Variants in FAF1 observed in about 807,000 individuals in gnomAD.
FAF1 encodes FAS-associated factor 1.
Under a neutral mutation model 92.5 loss-of-function variants are expected in FAF1, and 25 were observed. The observed-to-expected ratio is 0.27, with a 90% confidence interval of 0.20 to 0.38. The LOEUF (loss-of-function observed/expected upper bound fraction) is 0.38. Ranked by LOEUF, FAF1 falls within the 10% of genes least tolerant of loss-of-function variation. The probability of loss-of-function intolerance (pLI) is 1.00; values close to 1 mark genes in which losing one functional copy is unlikely to be tolerated. For synonymous variants in FAF1, 234 were observed against 273.2 expected (o/e 0.86, Z 1.42); for missense variants, 636 against 793.3 (o/e 0.80, Z 2.38).
intron 6 of FAF1, among the ~76,000 whole-genome samples, chr1:50,734,568 A>G (rs1557500095): frequency 6.6e-6 from 1 of 152,066 alleles, no homozygotes; most frequent in Admixed American, 6.6e-5. Flanking sequence ...CCCTGTCTCT[A>G]CTAAATATAC....
chr1:50,490,983 C>T (rs777029759), intron 16 of FAF1, among the ~76,000 whole-genome samples: 1 of 152,086 alleles, frequency 6.6e-6, no homozygotes, highest in Admixed American at 6.6e-5. Context: ...TTTCTATCTA[C>T]CCTGTACCCA....
At chr1:50,577,234 T>A (rs1417115109) in intron 12 of FAF1, among the ~76,000 whole-genome samples, 7 of 152,210 alleles carry the variant, frequency 4.6e-5, no homozygotes, top group Admixed American at 3.3e-4. Context: ...TCTAGAAATC[T>A]TCCCCCTAGG....
At chr1:50,698,574 C>CA (rs1192904019) in intron 7 of FAF1, among the ~76,000 whole-genome samples, 3 of 151,988 alleles carry the variant, frequency 2.0e-5, no homozygotes, top group African/African-American at 7.2e-5. Context: ...TGGTCTGCTG[C>CA]AAAAAATTTT....
chr1:50,701,843 C>T (rs1198768644), intron 7 of FAF1, among the ~76,000 whole-genome samples: 1 of 151,948 alleles, frequency 6.6e-6, no homozygotes, highest in East Asian at 1.9e-4. Flanking sequence ...TTATAGGTTG[C>T]CAATTTTCCC....
rs557762927 is a variant in FAF1, at chr1:50,790,801, T to G, written c.162-2596A>C. Among the ~76,000 whole-genome samples the G allele has an allele frequency of 2.1e-4, 32 of 152,048 alleles. No homozygotes were observed. In the South Asian group the frequency reaches 6.6e-3, roughly 32 times the overall value. ...GAAAAATATTTATATTTATATTTAT[T>G]TTATATTTAATTTCCTTCATACTAT... is the stretch of plus-strand genomic sequence containing the variant. On this transcript the variant is annotated intron_variant, in intron 3 of 18. Coordinates refer to ENST00000396153, the MANE Select transcript of FAF1 (RefSeq NM_007051.3).
At chr1:50,825,178 C>T (rs1252855558) in intron 2 of FAF1, among the ~76,000 whole-genome samples, 1 of 152,056 alleles carries the variant, frequency 6.6e-6, no homozygotes, top group African/African-American at 2.4e-5. Context: ...TGTATCATTA[C>T]ACACTGTACA....
At chr1:50,797,526 C>T (rs1661807778) in intron 3 of FAF1, among the ~76,000 whole-genome samples, 1 of 152,010 alleles carries the variant, frequency 6.6e-6, no homozygotes, top group Non-Finnish European at 1.5e-5. Flanking sequence ...TCATGAGACC[C>T]CATCTCTACA....
chr1:50,503,634 T>A (rs1647019348), intron 15 of FAF1, among the ~76,000 whole-genome samples: 2 of 148,636 alleles, frequency 1.3e-5, no homozygotes, highest in Non-Finnish European at 1.5e-5. Flanking sequence ...AAAAAAAAAA[T>A]TGCTAAAACC....
At chr1:50,697,610 A>T (rs915614233) in intron 7 of FAF1, among the ~76,000 whole-genome samples, 3 of 152,194 alleles carry the variant, frequency 2.0e-5, no homozygotes, top group African/African-American at 7.2e-5. Context: ...TGGAAAAGTC[A>T]GTGTCAAAAT....
intron 1 of FAF1, among the ~76,000 whole-genome samples, chr1:50,892,968 C>G (rs932266084): frequency 3.9e-5 from 6 of 152,280 alleles, no homozygotes; most frequent in African/African-American, 1.4e-4. Flanking sequence ...ATCAATTCTG[C>G]TACTAAAAGA....
At chr1:50,525,670 G>A (rs1268611269) in intron 15 of FAF1, among the ~76,000 whole-genome samples, 2 of 152,158 alleles carry the variant, frequency 1.3e-5, no homozygotes, top group African/African-American at 2.4e-5. Context: ...TATTGAGTAC[G>A]ATGTTGGCTG....
intron 2 of FAF1, among the ~76,000 whole-genome samples, chr1:50,802,632 GAA>G (rs1169184074): frequency 6.6e-6 from 1 of 152,154 alleles, no homozygotes; most frequent in Admixed American, 6.5e-5. Flanking sequence ...GCAGGCTGTC[GAA>G]TCCTGGAATG....
At chr1:50,649,018 G>A (rs1457616673) in intron 8 of FAF1, among the ~76,000 whole-genome samples, 1 of 152,052 alleles carries the variant, frequency 6.6e-6, no homozygotes, top group Admixed American at 6.5e-5. Context: ...TCCTGACCTC[G>A]TGATCCGTCT....
intron 1 of FAF1, among the ~76,000 whole-genome samples, chr1:50,880,679 GA>G (rs1644604606): frequency 6.6e-6 from 1 of 152,206 alleles, no homozygotes; most frequent in African/African-American, 2.4e-5. Context: ...AGAACTGTGA[GA>G]AAATTTGTTT....
At chr1:50,805,734 T>C (rs1244787444) in intron 2 of FAF1, among the ~76,000 whole-genome samples, 4 of 151,886 alleles carry the variant, frequency 2.6e-5, no homozygotes, top group Admixed American at 2.6e-4. Flanking sequence ...TTAAAGAAAA[T>C]GGCAATGACA....
Position 50,511,572 on chromosome 1 carries a change from C to T in FAF1, c.1495-19771G>A, listed in dbSNP as rs139060560. On this transcript the variant is annotated intron_variant, in intron 15 of 18. Transcript: ENST00000396153. The stretch of plus-strand genomic sequence containing the variant: ...TTCATCCATGCCCCTGAAAAGGACA[C>T]GAACTCATCCTTTTTTATGGCTGCA... 7.7e-3 allele frequency among the ~76,000 whole-genome samples: 1,175 copies of T among 152,216 alleles called. 13 individuals carry two copies. Among genetic ancestry groups the T allele is most frequent in the African/African-American group, 0.027 (1,134 of 41,540 alleles).
chr1:50,600,080 G>T (rs1278052337), intron 8 of FAF1, among the ~76,000 whole-genome samples: 1 of 152,100 alleles, frequency 6.6e-6, no homozygotes, highest in Admixed American at 6.6e-5. Context: ...TCTCCAAAAT[G>T]AATGAAGTGA....
chr1:50,714,381 C>T (rs972372647), intron 6 of FAF1, among the ~76,000 whole-genome samples: 7 of 151,326 alleles, frequency 4.6e-5, no homozygotes, highest in Non-Finnish European at 7.4e-5. Context: ...GGTGTGGTGG[C>T]GGCCGCCTGT....
chr1:50,501,143 T>C (rs2149015964), intron 15 of FAF1, among the ~76,000 whole-genome samples: 1 of 152,228 alleles, frequency 6.6e-6, no homozygotes, highest in East Asian at 1.9e-4. Context: ...CAAATCACAT[T>C]TCAAGTAAAA....
Sources: gnomAD v4.1 joint callset for allele counts (sites outside exome capture counted in the v4.1 genomes callset) on GRCh38, gnomAD v4.1.1 for gene constraint, MANE v1.5 for transcripts, NCBI Gene and HGNC (gene_info 2026-07-23, HGNC 2026-07-21) for gene names.